C4orf51: variants seen among roughly 807,000 people sequenced by gnomAD.
The protein encoded by C4orf51 is uncharacterized protein C4orf51.
C4orf51 carries 25 observed loss-of-function variants against 25.2 expected under a neutral mutation model. The ratio of observed to expected loss-of-function variants is 0.99; its 90% confidence interval spans 0.72 to 1.39. The LOEUF (loss-of-function observed/expected upper bound fraction) is 1.39. Ranked by LOEUF, C4orf51 falls within the 40% of genes most tolerant of loss-of-function variation. C4orf51 has a pLI of 0.00. For synonymous variants in C4orf51, 100 were observed against 84.5 expected, an observed-to-expected ratio of 1.18 and a Z score of -1.01; for missense variants, 252 against 239.6, an observed-to-expected ratio of 1.05 and a Z score of -0.34.
downstream of C4orf51, chr4:145,758,151 C>T (rs1373246987): frequency 1.3e-5 from 2 of 152,108 alleles, no homozygotes; most frequent in Non-Finnish European, 2.9e-5. Context: ...TCCAAACACA[C>T]CTTTTCTCAC....
chr4:145,748,454 TG>T (rs1733496922), intron 1 of C4orf51, among the ~76,000 whole-genome samples: 1 of 152,158 alleles, frequency 6.6e-6, no homozygotes. Context: ...CTCTTGCTTT[TG>T]TAGTTCTTTA....
intron 2 of C4orf51, among the ~76,000 whole-genome samples, chr4:145,719,810 A>C (rs1466352299): frequency 6.6e-6 from 1 of 152,166 alleles, no homozygotes; most frequent in Non-Finnish European, 1.5e-5. Context: ...CAGCCAGGCA[A>C]ACCCCAAATC....
intron 3 of C4orf51, among the ~76,000 whole-genome samples, chr4:145,727,680 A>C (rs939532864): frequency 1.5e-4 from 22 of 151,278 alleles, no homozygotes; most frequent in Non-Finnish European, 2.7e-4. Context: ...GTTTGAGACC[A>C]GCCTGACCAA....
In C4orf51 at chr4:145,766,778, T is replaced by G. The variant is rs548369474; in HGVS notation, n.167-4210T>G. ...GGCACTTAGAGAGGGCTAGAAATAA[T>G]GCCTGTTTCCACCAGTCAGATTGGA... On this transcript the variant is annotated intron_variant and non_coding_transcript_variant, in intron 1 of 1. Coordinates refer to the C4orf51 transcript ENST00000510096. 5.9e-5 allele frequency among the ~76,000 whole-genome samples: 9 copies of G among 152,286 alleles called. No individual in the cohort carries two copies. The South Asian group carries it at 1.9e-3, about 32-fold the overall frequency.
intron 2 of C4orf51, among the ~76,000 whole-genome samples, chr4:145,722,012 G>A (rs779392808): frequency 5.3e-5 from 8 of 152,088 alleles, no homozygotes; most frequent in Non-Finnish European, 1.0e-4. Flanking sequence ...GGTTTTAGCC[G>A]TTTACAAAAT....
intron 1 of C4orf51, among the ~76,000 whole-genome samples, chr4:145,688,792 C>T (rs1022041636): frequency 1.3e-5 from 2 of 152,128 alleles, no homozygotes; most frequent in Admixed American, 6.5e-5. Flanking sequence ...TTATACAGTT[C>T]CAATAGGTGT....
the C4orf51 span, among the ~76,000 whole-genome samples, chr4:145,789,623 AG>A: frequency 6.6e-6 from 1 of 152,222 alleles, no homozygotes; most frequent in Non-Finnish European, 1.5e-5. Flanking sequence ...CTAGCTGGTA[AG>A]TGATAGCCTT....
intron 1 of C4orf51, chr4:145,764,819 G>A: frequency 1.2e-6 from 1 of 832,792 alleles, no homozygotes; most frequent in Non-Finnish European, 2.0e-6. Context: ...TAGGGGGACA[G>A]GTCTAATTCA....
In C4orf51 at chr4:145,762,264, A is replaced by C. The variant is rs1734636949; in HGVS notation, n.167-8724A>C. ...GGACTAGCTCTTTGTCAGGAAAGGA[A>C]GCTGAGGACTATGGCAGGGGCATGG... On this transcript the variant is annotated intron_variant and non_coding_transcript_variant, in intron 1 of 1. Transcript: ENST00000510096. The surrounding 1 kb of genome is among the most constrained non-coding windows in gnomAD (Gnocchi z 4.9). Among the ~76,000 whole-genome samples, 1 of 152,142 alleles carries C rather than the reference A, an allele frequency of 6.6e-6. No homozygotes were observed. Among genetic ancestry groups the C allele is most frequent in the African/African-American group, 2.4e-5 (1 of 41,420 alleles).
chr4:145,768,606 G>A (rs1422426364), intron 1 of C4orf51, among the ~76,000 whole-genome samples: 1 of 151,702 alleles, frequency 6.6e-6, no homozygotes, highest in Non-Finnish European at 1.5e-5. Context: ...GGTTAGGGGA[G>A]AAAATATAGG....
chr4:145,759,896 T>C (rs1005072165), intron 1 of C4orf51: 2 of 152,192 alleles, frequency 1.3e-5, no homozygotes, highest in African/African-American at 4.8e-5. Context: ...TTAATACATC[T>C]CATATATATA....
intron 2 of C4orf51, among the ~76,000 whole-genome samples, chr4:145,705,357 A>G (rs1730735483): frequency 6.6e-6 from 1 of 152,112 alleles, no homozygotes; most frequent in Non-Finnish European, 1.5e-5. Context: ...CAATCACCTG[A>G]CCATAACCTG....
the C4orf51 span, among the ~76,000 whole-genome samples, chr4:145,788,331 C>A: frequency 6.6e-6 from 1 of 152,092 alleles, no homozygotes; most frequent in Non-Finnish European, 1.5e-5. Flanking sequence ...TACTAGGTGC[C>A]CCTAATTCCA....
chr4:145,735,833 T>C (rs1732775210), downstream of C4orf51, among the ~76,000 whole-genome samples: 1 of 152,180 alleles, frequency 6.6e-6, no homozygotes, highest in Non-Finnish European at 1.5e-5. Flanking sequence ...AATAAAGTCT[T>C]TTAAGGACGA....
At chr4:145,755,300 A>G (rs973214858), downstream of C4orf51, among the ~76,000 whole-genome samples, 3 of 152,220 alleles carry the variant, frequency 2.0e-5, no homozygotes, top group Non-Finnish European at 1.5e-5. Context: ...CCTGACTCCA[A>G]GTAATCCAAA....
In C4orf51 at chr4:145,724,718, T is replaced by A. The variant is rs139460948; in HGVS notation, c.308-2193T>A. Among the ~76,000 whole-genome samples the A allele has an allele frequency of 2.6e-3, 397 of 151,506 alleles. 2 individuals carry two copies. The highest frequency in any genetic ancestry group is 7.9e-3 in the African/African-American group (326 of 41,346). ...GTAATAGAGTGAGAACTCATTTCTATGACAAATTTTTAAAAATTAACTGAG... is the reference window on the plus strand; with the variant it reads ...GTAATAGAGTGAGAACTCATTTCTAAGACAAATTTTTAAAAATTAACTGAG... On this transcript the variant is annotated intron_variant, in intron 2 of 5. Coordinates refer to ENST00000438731, the MANE Select transcript of C4orf51 (RefSeq NM_001080531.3).
At chr4:145,700,157 A>C (rs1578949840) in intron 2 of C4orf51, among the ~76,000 whole-genome samples, 1 of 111,276 alleles carries the variant, frequency 9.0e-6, no homozygotes, top group South Asian at 2.9e-4. Flanking sequence ...TCCATGCCCC[A>C]ACCTCTTATC....
chr4:145,770,156 G>A (rs1168725714), intron 1 of C4orf51, among the ~76,000 whole-genome samples: 3 of 152,060 alleles, frequency 2.0e-5, no homozygotes, highest in South Asian at 2.1e-4. Flanking sequence ...AAAATAAGCT[G>A]GGCGTGGTGC....
chr4:145,767,748 T>G (rs758885833), intron 1 of C4orf51, among the ~76,000 whole-genome samples: 3 of 152,106 alleles, frequency 2.0e-5, no homozygotes, highest in Non-Finnish European at 4.4e-5. Flanking sequence ...CAACCTAAAA[T>G]CTTATACCCA....
Sources: gnomAD v4.1 joint callset for allele counts (sites outside exome capture counted in the v4.1 genomes callset) on GRCh38, gnomAD v4.1.1 for gene constraint, Gnocchi (gnomAD v3.1) non-coding constraint, MANE v1.5 for transcripts, NCBI Gene and HGNC (gene_info 2026-07-23, HGNC 2026-07-21) for gene names.